Variants in LRP5 observed in about 807,000 individuals in gnomAD.
LRP5 encodes the protein LDL receptor related protein 5, also known as low-density lipoprotein receptor-related protein 5.
Under a neutral mutation model 154.1 loss-of-function variants are expected in LRP5, and 62 were observed. The ratio of observed to expected loss-of-function variants is 0.40; its 90% CI spans 0.33 to 0.50. The LOEUF (loss-of-function observed/expected upper bound fraction) is 0.50, where lower values mean the gene tolerates loss of function less well. Ranked by LOEUF, LRP5 falls within the 20% of genes least tolerant of loss-of-function variation. LRP5 has a pLI of 0.55. For synonymous variants in LRP5, 966 were observed against 1,011.5 expected (o/e 0.96, Z 0.85); for missense variants, 1,915 against 2,336.7 (o/e 0.82, Z 3.72).
the LRP5 span, among the ~76,000 whole-genome samples, chr11:68,304,490 A>T: frequency 2.6e-5 from 4 of 152,264 alleles, no homozygotes; most frequent in African/African-American, 7.2e-5. Flanking sequence ...GAGGCCCCAC[A>T]TAGAGTCCCC....
chr11:68,324,543 A>G (rs113227946), intron 1 of LRP5, among the ~76,000 whole-genome samples: 5 of 152,350 alleles, frequency 3.3e-5, no homozygotes, highest in African/African-American at 1.2e-4. Flanking sequence ...TGAGGTGTGC[A>G]GAGGATGGGT....
intron 12 of LRP5, among the ~76,000 whole-genome samples, chr11:68,415,415 T>C (rs2153168825): frequency 6.6e-6 from 1 of 152,286 alleles, no homozygotes; most frequent in South Asian, 2.1e-4. Flanking sequence ...TTCACTACCA[T>C]TACCTGCCTT....
chr11:68,409,331 T>C (rs2098658089), intron 9 of LRP5, among the ~76,000 whole-genome samples: 1 of 145,120 alleles, frequency 6.9e-6, no homozygotes, highest in South Asian at 2.1e-4. Flanking sequence ...AAAATATATG[T>C]AATGTATATT....
chr11:68,411,472 G>T lies in LRP5; in HGVS notation c.2355G>T (p.Arg785Ser), dbSNP rs1304630330. 4.3e-6 allele frequency: 7 copies of T among 1,613,138 alleles called. No homozygotes were observed. Among genetic ancestry groups the T allele is most frequent in the Admixed American group, 1.7e-5 (1 of 60,030 alleles). Residue 785 changes from arginine to serine, a missense_variant, in exon 11 of 23, where the codon AGG becomes AGT. Around this residue, in one of 3 missense-constraint regions of LRP5, gnomAD observed 773 missense variants for 1,100.9 expected, o/e 0.70. Transcript: ENST00000294304. ...GGACCGAGTGGGGCGGCAAGCCGAG[G>T]ATCGTGCGGGCCTTCATGGACGGGA... ...IYWTEWGGKP[R>S]IVRAFMDGTN...
Position 68,363,789 on chromosome 11 carries a change from G to A in LRP5, c.729G>A (p.Leu243=). ...VEGSLTHPFA[L]TLSGDTLYWT... Reference sequence around the variant, plus strand: ...GCAGCCTGACGCACCCCTTCGCCCTGACGCTCTCCGGGGACACTCTGTACT... The same window carrying A: ...GCAGCCTGACGCACCCCTTCGCCCTAACGCTCTCCGGGGACACTCTGTACT... Residue 243 remains leucine, a synonymous_variant, in exon 4 of 23, where the codon CTG becomes CTA. Coordinates refer to ENST00000294304, the MANE Select transcript of LRP5 (RefSeq NM_002335.4). 3 of 1,613,114 alleles carry A rather than the reference G, an allele frequency of 1.9e-6. No individual in the cohort carries two copies. Among genetic ancestry groups the A allele is most frequent in the Non-Finnish European group, 1.7e-6 (2 of 1,179,926 alleles).
chr11:68,446,055 G>A (rs554087609), intron 21 of LRP5, among the ~76,000 whole-genome samples: 136 of 152,346 alleles, frequency 8.9e-4, no homozygotes, highest in Non-Finnish European at 1.5e-3. Flanking sequence ...GCCTGGTGAG[G>A]TGCTAACTGG....
intron 2 of LRP5, among the ~76,000 whole-genome samples, chr11:68,356,925 ATTTCT>A (rs1430707071): frequency 2.7e-5 from 4 of 146,716 alleles, no homozygotes; most frequent in East Asian, 3.9e-4. Flanking sequence ...TTGATAGATC[ATTTCT>A]TTTCTTTTCT....
In LRP5 at chr11:68,386,338, G is replaced by C; in HGVS notation, c.1038G>C (p.Leu346=). Residue 346 remains leucine (L), a synonymous_variant, in exon 6 of 23, where the codon CTG becomes CTC. Coordinates refer to ENST00000294304, the MANE Select transcript of LRP5 (RefSeq NM_002335.4). The surrounding 1 kb of genome is among the most constrained non-coding windows in gnomAD (Gnocchi z 7.9). ...CKAGAEEVLL[L]ARRTDLRRIS... is the part of the protein sequence containing the mutation. Reference sequence around the variant, plus strand: ...CAGGAGCCGAGGAGGTGCTGCTGCTGGCCCGGCGGACGGACCTACGGAGGA... The same window carrying C: ...CAGGAGCCGAGGAGGTGCTGCTGCTCGCCCGGCGGACGGACCTACGGAGGA... 2 of 1,612,890 alleles carry C rather than the reference G, an allele frequency of 1.2e-6. No homozygotes were observed. The highest frequency in any genetic ancestry group is 1.7e-6 in the Non-Finnish European group (2 of 1,180,006).
intron 13 of LRP5, among the ~76,000 whole-genome samples, chr11:68,420,094 T>A (rs1271336891): frequency 9.9e-5 from 15 of 152,238 alleles, no homozygotes; most frequent in Admixed American, 9.8e-4. Flanking sequence ...CAGCCCATTT[T>A]ACCTATTCTG....
intron 20 of LRP5, among the ~76,000 whole-genome samples, chr11:68,439,401 G>A (rs1463227934): frequency 2.6e-5 from 4 of 152,176 alleles, no homozygotes; most frequent in Admixed American, 6.5e-5. Flanking sequence ...TCTGGGGAGC[G>A]GGGTTATCTG....
Position 68,423,178 on chromosome 11 carries a change from T to C in LRP5, c.3028-311T>C, listed in dbSNP as rs2098666794. 6.6e-6 allele frequency among the ~76,000 whole-genome samples: 1 copy of C among 152,018 alleles called. No individual in the cohort carries two copies. Among genetic ancestry groups the C allele is most frequent in the Non-Finnish European group, 1.5e-5 (1 of 68,014 alleles). ...GGCGGGTGGCTGAGGAGGCCTAAAG[T>C]CCGAGGCGGCAAGAGCTCTTCCAGA... On this transcript the variant is annotated intron_variant, in intron 13 of 22. Transcript: ENST00000294304. This position sits in a 1 kb window ranked among gnomAD's most constrained non-coding sequence, Gnocchi z 4.7.
At position 68,397,597 on chromosome 11, in the gene LRP5, T is replaced by C. The variant is rs73515048; in HGVS notation, c.1585-5886T>C. Among the ~76,000 whole-genome samples the C allele has an allele frequency of 8.0e-3, 1,211 of 152,274 alleles. 15 individuals are homozygous for C. Among genetic ancestry groups the C allele is most frequent in the African/African-American group, 0.028 (1,151 of 41,556 alleles). ...CCTGGAGGCTGGAAGCTGTGGCCCTTGTATGCCCCTCCAGGGTCTGTGCGC... is the reference window on the plus strand; with the variant it reads ...CCTGGAGGCTGGAAGCTGTGGCCCTCGTATGCCCCTCCAGGGTCTGTGCGC... On this transcript the variant is annotated intron_variant, in intron 7 of 22. Transcript: ENST00000294304.
At chr11:68,302,809 C>T in the LRP5 span, among the ~76,000 whole-genome samples, 3 of 152,208 alleles carry the variant, frequency 2.0e-5, no homozygotes, top group Non-Finnish European at 2.9e-5. Context: ...CAGGTGGCCT[C>T]GCTGGCACAA....
intron 5 of LRP5, among the ~76,000 whole-genome samples, chr11:68,384,842 G>A (rs866693465): frequency 3.3e-5 from 5 of 152,226 alleles, no homozygotes; most frequent in African/African-American, 9.6e-5. Flanking sequence ...GTCTCCGTGC[G>A]TCCTGTGGAG....
intron 7 of LRP5, among the ~76,000 whole-genome samples, chr11:68,395,599 A>G (rs996098576): frequency 6.6e-6 from 1 of 151,830 alleles, no homozygotes; most frequent in Admixed American, 6.6e-5. Flanking sequence ...TAAGAGGGGG[A>G]TACATTGCAT....
chr11:68,304,915 T>C, the LRP5 span, among the ~76,000 whole-genome samples: 1 of 152,184 alleles, frequency 6.6e-6, no homozygotes, highest in Non-Finnish European at 1.5e-5. Context: ...TACAGTCTTG[T>C]AGGTGAAAGG....
Position 68,383,350 on chromosome 11 carries a change from A to G in LRP5, c.1016-2966A>G, listed in dbSNP as rs147561063. On this transcript the variant is annotated intron_variant, in intron 5 of 22. Coordinates refer to ENST00000294304, the MANE Select transcript of LRP5 (RefSeq NM_002335.4). ...GTCTTGCGCTGTGCCTGGCAGTCTCATTGGAAAGTTCTGTAGACATCGTGT... is the reference window on the plus strand; with the variant it reads ...GTCTTGCGCTGTGCCTGGCAGTCTCGTTGGAAAGTTCTGTAGACATCGTGT... Among the ~76,000 whole-genome samples the G allele has an allele frequency of 2.2e-4, 33 of 152,238 alleles. No homozygotes were observed. The East Asian group carries it at 6.2e-3, about 28-fold the overall frequency.
Position 68,356,541 on chromosome 11 carries a change from C to T in LRP5, c.489-1109C>T, listed in dbSNP as rs959436726. On this transcript the variant is annotated intron_variant, in intron 2 of 22. Coordinates refer to ENST00000294304, the MANE Select transcript of LRP5 (RefSeq NM_002335.4). ...GAGTTCCTATACATCCCTGTCCTCA[C>T]ACCCACACAGCCTTCCCAACTGTCA... Among the ~76,000 whole-genome samples the T allele has an allele frequency of 3.9e-5, 6 of 152,370 alleles. No individual in the cohort carries two copies. The South Asian group carries it at 1.2e-3, about 32-fold the overall frequency.
chr11:68,421,780 GGGTGTGTGTGTGT>G lies in LRP5; in HGVS notation c.3028-1706_3028-1694del, dbSNP rs1254194861. Among the ~76,000 whole-genome samples, 215 of 139,708 alleles carry G rather than the reference GGGTGTGTGTGTGT, an allele frequency of 1.5e-3. 2 individuals are homozygous for G. Among genetic ancestry groups the G allele is most frequent in the African/African-American group, 5.9e-3 (202 of 34,004 alleles). 91.7% of individuals were successfully genotyped at this position (139,708 alleles called of 152,430 possible). ...GGAGGGAGGCACCCTTTCCATCTGG[GGGTGTGTGTGTGT>G]GGGGTGTGTGTGTGTGTGTGCGCGT... On this transcript the variant is annotated intron_variant, in intron 13 of 22. Coordinates refer to ENST00000294304, the MANE Select transcript of LRP5 (RefSeq NM_002335.4).
Sources: gnomAD v4.1 joint callset for allele counts (sites outside exome capture counted in the v4.1 genomes callset) on GRCh38, gnomAD v4.1.1 for gene constraint, gnomAD v4.1.1 regional missense constraint, Gnocchi (gnomAD v3.1) non-coding constraint, MANE v1.5 for transcripts, NCBI Gene and HGNC (gene_info 2026-07-23, HGNC 2026-07-21) for gene names.